The following CYP4F8 variants were observed in gnomAD, a reference collection of about 807,000 sequenced individuals.
CYP4F8 encodes the protein cytochrome P450 family 4 subfamily F member 8.
CYP4F8 carries 56 observed loss-of-function variants against 55.0 expected under a neutral mutation model. The observed-to-expected ratio is 1.02, with a 90% CI of 0.82 to 1.27. The LOEUF (loss-of-function observed/expected upper bound fraction) is 1.27, where lower values mean the gene tolerates loss of function less well. Among genes scored for constraint, CYP4F8 ranks in the 50% most tolerant of loss-of-function variants. The probability of loss-of-function intolerance (pLI) is 0.00; values close to 1 mark genes in which losing one functional copy is unlikely to be tolerated. For missense variants in CYP4F8, 680 were observed against 682.4 expected, an observed-to-expected ratio of 1.00 and a Z score of 0.04; for synonymous variants, 288 against 267.3, an observed-to-expected ratio of 1.08 and a Z score of -0.76.
intron 9 of CYP4F8, among the ~76,000 whole-genome samples, chr19:15,624,934 A>T (rs962822692): frequency 6.6e-6 from 1 of 152,140 alleles, no homozygotes; most frequent in Non-Finnish European, 1.5e-5. Context: ...CTCTTTACAT[A>T]TTAAGAAAAT....
At position 15,628,322 on chromosome 19, in the gene CYP4F8, C is replaced by T. The variant is rs758420852; in HGVS notation, c.1136C>T (p.Pro379Leu). 2 of 1,614,042 alleles carry T rather than the reference C, an allele frequency of 1.2e-6. No homozygotes were observed. Among genetic ancestry groups the T allele is most frequent in the Non-Finnish European group, 1.7e-6 (2 of 1,180,016 alleles). ...EIEWDDLAQLPFLTMCLKESL... is the reference protein window; with the variant it reads ...EIEWDDLAQLLFLTMCLKESL... ...CTTAGGGACGACCTGGCCCAGTTGC[C>T]CTTCCTGACCATGTGCCTGAAGGAG... is the stretch of plus-strand genomic sequence containing the variant. Residue 379 changes from proline (P) to leucine (L), a missense_variant, in exon 10 of 13, where the codon CCC (proline) becomes CTC (leucine). Pro to Leu is a moderately conservative substitution (Grantham distance 98, BLOSUM62 -3). Transcript: ENST00000612078.
rs1460223174 is a variant in CYP4F8, at chr19:15,619,333, C to G, written c.344-157C>G. 6.5e-6 allele frequency: 5 copies of G among 765,706 alleles called. No homozygotes were observed. In the East Asian group the frequency reaches 8.2e-5, roughly 13 times the overall value. 47.4% of individuals were successfully genotyped at this position (765,706 alleles called of 1,614,324 possible). On this transcript the variant is annotated intron_variant, in intron 3 of 12. Transcript: ENST00000612078. ...GCAGCCTAGTCCGGTCCCCTTTATG[C>G]CCCCCACCCTCCTTTCTTCTTCTGC...
At chr19:15,622,896 CAG>C (rs1328872943) in intron 6 of CYP4F8, 27 of 601,988 alleles carry the variant, frequency 4.5e-5, no homozygotes, top group East Asian at 2.5e-4. Context: ...TTTTATAAGA[CAG>C]AGAGAGGAGA....
chr19:15,623,603 G>T lies in CYP4F8; in HGVS notation c.919-96G>T, dbSNP rs903608911. On this transcript the variant is annotated intron_variant, in intron 7 of 12. Transcript: ENST00000612078. The stretch of plus-strand genomic sequence containing the variant: ...GTGGGGGTAGATCTGGAGGTGACAA[G>T]GGAGGGATCCTTCTGGGATAATGGG... 4.9e-6 allele frequency: 7 copies of T among 1,428,982 alleles called. No homozygotes were observed. In the African/African-American group the frequency reaches 9.2e-5, roughly 19 times the overall value. 88.5% of individuals were successfully genotyped at this position (1,428,982 alleles called of 1,614,324 possible). A position where few individuals can be genotyped will look rare whatever the true frequency, so the allele number is the denominator to read the frequency against.
At chr19:15,618,599 A>C (rs961089261) in intron 3 of CYP4F8, 1 of 317,596 alleles carries the variant, frequency 3.1e-6, no homozygotes, top group Admixed American at 4.4e-5. Context: ...TTTTTTTTTT[A>C]AAGCAGGGGC....
rs201333197 is a variant in CYP4F8, at chr19:15,615,750, G to T, written c.134G>T (p.Gly45Val). The change falls in exon 2 of 13, where the codon GGC (glycine) becomes GTC (valine). Residue 45 changes from glycine to valine, a missense_variant. Transcript: ENST00000612078. ...LAWTYAFYHN[G>V]RRLRCFPQPR... ...TGGACCTATGCCTTCTATCACAACGGCCGCCGCCTCCGGTGTTTCCCGCAG... is the reference window on the plus strand; with the variant it reads ...TGGACCTATGCCTTCTATCACAACGTCCGCCGCCTCCGGTGTTTCCCGCAG... 1.4e-5 allele frequency: 22 copies of T among 1,613,778 alleles called. No homozygotes were observed. The South Asian group carries it at 2.4e-4, about 18-fold the overall frequency.
Position 15,622,588 on chromosome 19 carries a change from G to C in CYP4F8, c.647+248G>C, listed in dbSNP as rs192117576. On this transcript the variant is annotated intron_variant, in intron 6 of 12. Transcript: ENST00000612078. The stretch of plus-strand genomic sequence containing the variant: ...CAGAGCATGTGCAACAGGCAGTTGG[G>C]AGACACTTGGAAATGAAGGTGGAGG... 4.6e-3 allele frequency among the ~76,000 whole-genome samples: 698 copies of C among 152,116 alleles called. 7 individuals carry two copies. The highest frequency in any genetic ancestry group is 0.034 in the Middle Eastern group (10 of 294).
chr19:15,620,307 C>T (rs1972177124), intron 5 of CYP4F8, among the ~76,000 whole-genome samples: 1 of 152,182 alleles, frequency 6.6e-6, no homozygotes, highest in South Asian at 2.1e-4. Flanking sequence ...ATGTGATTCT[C>T]TGCCTCTAGA....
In CYP4F8 at chr19:15,628,401, C is replaced by T. The variant is rs751652779; in HGVS notation, c.1215C>T (p.Asp405=). Residue 405 remains aspartate (D), a synonymous_variant, in exon 10 of 13, where the codon GAC becomes GAT. Transcript: ENST00000612078. ...CATTCGCCCGCGGCTGCACCCAGGA[C>T]GTGGTGCTCCCAGACAGCCGAGTCA... is the stretch of plus-strand genomic sequence containing the variant. The part of the protein sequence containing the change: ...IPTFARGCTQ[D]VVLPDSRVIP... 11 of 1,613,982 alleles carry T rather than the reference C, an allele frequency of 6.8e-6. No homozygotes were observed. The African/African-American group carries it at 8.0e-5, about 12-fold the overall frequency.
Position 15,618,052 on chromosome 19 carries a change from ACC to A in CYP4F8, c.255_256del (p.Gln86GlyfsTer19), listed in dbSNP as rs1474313912. The A allele has an allele frequency of 6.2e-7, 1 of 1,613,872 alleles. No homozygotes were observed. Among genetic ancestry groups the A allele is most frequent in the Non-Finnish European group, 8.5e-7 (1 of 1,179,928 alleles). Reference sequence around the variant, plus strand: ...GTCCTGACCCAGCTGGTGGCCACCTACCCCCAGGGCTTTGTGAGGTGGTTGGG... The same window carrying A: ...GTCCTGACCCAGCTGGTGGCCACCTACCCAGGGCTTTGTGAGGTGGTTGGG... On this transcript the variant is annotated frameshift_variant, in exon 3 of 13. Transcript: ENST00000612078. LOFTEE classifies it high-confidence loss of function.
chr19:15,618,396 C>T (rs979606807), intron 3 of CYP4F8: 1 of 619,574 alleles, frequency 1.6e-6, no homozygotes, highest in Non-Finnish European at 3.0e-6. Context: ...ATCCAAGGCC[C>T]TGTCCTGGAG....
Position 15,621,513 on chromosome 19 carries a change from G to A in CYP4F8, c.526-706G>A, listed in dbSNP as rs545315098. Among the ~76,000 whole-genome samples the A allele has an allele frequency of 3.3e-5, 5 of 152,262 alleles. No homozygotes were observed. In the East Asian group the frequency reaches 7.7e-4, roughly 23 times the overall value. On this transcript the variant is annotated intron_variant, in intron 5 of 12. Coordinates refer to ENST00000612078, the MANE Select transcript of CYP4F8 (RefSeq NM_007253.4). ...TGCACTCCAGCCTGGGCAACAGAAC[G>A]AGACTCCATCTCAAAAACTAGCAAA...
rs143058274 is a variant in CYP4F8 at position 15,621,254 on chromosome 19, A to G, written c.526-965A>G. On this transcript the variant is annotated intron_variant, in intron 5 of 12. Coordinates refer to ENST00000612078, the MANE Select transcript of CYP4F8 (RefSeq NM_007253.4). ...AGAAATAGCCCAGATTAAGAACCTC[A>G]GGGTTGACCGGGTGTGGTGGCTCAT... 3.9e-3 allele frequency among the ~76,000 whole-genome samples: 599 copies of G among 152,278 alleles called. 1 individual carries two copies. Among genetic ancestry groups the G allele is most frequent in the Non-Finnish European group, 6.7e-3 (454 of 68,022 alleles).
chr19:15,622,436 G>A, intron 6 of CYP4F8, 96 bp downstream of exon 6: 2 of 1,521,676 alleles, frequency 1.3e-6, no homozygotes, highest in Non-Finnish European at 8.9e-7. Flanking sequence ...CCTTCCTGGA[G>A]AGATGATGAG....
intron 2 of CYP4F8, among the ~76,000 whole-genome samples, chr19:15,617,540 G>A (rs148340653): frequency 1.2e-3 from 175 of 148,314 alleles, no homozygotes; most frequent in Non-Finnish European, 2.3e-3. Flanking sequence ...CTATCAGTCC[G>A]TCTGTCTGTC....
At chr19:15,626,144 C>T (rs902941908) in intron 9 of CYP4F8, among the ~76,000 whole-genome samples, 1 of 152,142 alleles carries the variant, frequency 6.6e-6, no homozygotes, top group Non-Finnish European at 1.5e-5. Context: ...TAGTGGATAC[C>T]TGGACTGCTT....
rs889599658 is a variant in CYP4F8, at chr19:15,630,341, C to A, written c.*983C>A. ...CCTGCTTCCCCTGTCTAGTAGTCCC[C>A]AGGATCTGTTGTTCCCATCTTTATT... On this transcript the variant is annotated 3_prime_UTR_variant, in exon 13 of 13. Transcript: ENST00000612078. 2 of 152,154 alleles carry A rather than the reference C, an allele frequency of 1.3e-5. No homozygotes were observed. Among genetic ancestry groups the A allele is most frequent in the East Asian group, 1.9e-4 (1 of 5,202 alleles). 9.4% of individuals were successfully genotyped at this position (152,154 alleles called of 1,614,324 possible).
chr19:15,621,707 G>A (rs1348819406), intron 5 of CYP4F8: 1 of 152,526 alleles, frequency 6.6e-6, no homozygotes, highest in African/African-American at 2.4e-5. Flanking sequence ...TGACAGAAAT[G>A]ATGTAATATG....
chr19:15,626,531 C>T (rs1352506188), intron 9 of CYP4F8, among the ~76,000 whole-genome samples: 1 of 152,198 alleles, frequency 6.6e-6, no homozygotes, highest in Non-Finnish European at 1.5e-5. Flanking sequence ...CCTTTGTCTA[C>T]TTTTCACTTG....
Sources: allele counts gnomAD v4.1 joint callset (sites outside exome capture counted in the v4.1 genomes callset), GRCh38; gene constraint gnomAD v4.1.1; transcripts MANE v1.5; gene names NCBI Gene and HGNC (gene_info 2026-07-23, HGNC 2026-07-21).